Variants in NDST3 observed in about 807,000 individuals in gnomAD.
NDST3 encodes the protein bifunctional heparan sulfate N-deacetylase/N-sulfotransferase 3.
NDST3 carries 58 observed loss-of-function variants against 96.1 expected under a neutral mutation model. The ratio of observed to expected loss-of-function variants is 0.60; its 90% confidence interval spans 0.49 to 0.75. The LOEUF (loss-of-function observed/expected upper bound fraction) is 0.75, where lower values mean the gene tolerates loss of function less well. Ranked by LOEUF, NDST3 falls within the 30% of genes least tolerant of loss-of-function variation. The pLI is 0.00. For missense variants in NDST3, 788 were observed against 1,034.2 expected, an observed-to-expected ratio of 0.76 and a Z score of 3.27; for synonymous variants, 333 against 359.7, an observed-to-expected ratio of 0.93 and a Z score of 0.84.
chr4:118,242,793 G>A (rs549816657), intron 12 of NDST3, among the ~76,000 whole-genome samples: 1 of 151,990 alleles, frequency 6.6e-6, no homozygotes, highest in East Asian at 1.9e-4. Flanking sequence ...AACTGACTCT[G>A]TAAGGTCCAT....
chr4:118,048,968 G>A (rs1724922541), intron 1 of NDST3, among the ~76,000 whole-genome samples: 1 of 152,120 alleles, frequency 6.6e-6, no homozygotes, highest in African/African-American at 2.4e-5. Flanking sequence ...CTGACCACAT[G>A]TTTGTTCACG....
At chr4:118,224,924 G>A (rs1416089453) in intron 7 of NDST3, among the ~76,000 whole-genome samples, 1 of 152,148 alleles carries the variant, frequency 6.6e-6, no homozygotes, top group Non-Finnish European at 1.5e-5. Flanking sequence ...TGAATATAAC[G>A]TCTTCAATCA....
intron 6 of NDST3, among the ~76,000 whole-genome samples, chr4:118,168,181 T>A (rs1249171198): frequency 2.0e-5 from 3 of 151,852 alleles, no homozygotes; most frequent in African/African-American, 7.2e-5. Context: ...AATAAGGAGT[T>A]AATATTCAAA....
intron 9 of NDST3, among the ~76,000 whole-genome samples, chr4:118,233,514 A>G (rs1421722000): frequency 6.6e-6 from 1 of 152,192 alleles, no homozygotes; most frequent in African/African-American, 2.4e-5. Flanking sequence ...TACAGCCAAC[A>G]TATGTAATTT....
chr4:118,085,411 GA>G (rs1261130198), intron 2 of NDST3, among the ~76,000 whole-genome samples: 2 of 152,076 alleles, frequency 1.3e-5, no homozygotes, highest in East Asian at 3.9e-4. Context: ...GATATTAAGA[GA>G]AAAAAAGTAC....
chr4:118,214,562 CAT>C (rs1235796822), intron 6 of NDST3, among the ~76,000 whole-genome samples: 3 of 152,052 alleles, frequency 2.0e-5, no homozygotes, highest in Admixed American at 1.3e-4. Context: ...AAATTATACA[CAT>C]GACTCACAGT....
At chr4:118,043,471 A>G (rs1241866020) in intron 1 of NDST3, among the ~76,000 whole-genome samples, 3 of 152,254 alleles carry the variant, frequency 2.0e-5, no homozygotes, top group African/African-American at 7.2e-5. Flanking sequence ...AGTACAAAGG[A>G]GATGCTCTTT....
At chr4:118,164,857 C>G (rs1735439266) in intron 6 of NDST3, among the ~76,000 whole-genome samples, 2 of 152,024 alleles carry the variant, frequency 1.3e-5, no homozygotes, top group African/African-American at 2.4e-5. Context: ...CTTAAAATAT[C>G]AACTTTATAT....
chr4:118,130,904 G>A (rs1224767331), intron 4 of NDST3, among the ~76,000 whole-genome samples: 1 of 152,078 alleles, frequency 6.6e-6, no homozygotes, highest in Non-Finnish European at 1.5e-5. Context: ...CCCTCTCCTG[G>A]CCTGTCAGGC....
intron 4 of NDST3, among the ~76,000 whole-genome samples, chr4:118,137,676 G>GT (rs1382970196): frequency 2.0e-5 from 3 of 152,126 alleles, no homozygotes; most frequent in Middle Eastern, 3.2e-3. Flanking sequence ...ATAAACATTG[G>GT]TTTTATTTTG....
intron 6 of NDST3, among the ~76,000 whole-genome samples, chr4:118,171,455 A>C (rs6820367): frequency 0.52 from 78,550 of 152,028 alleles, 24,190 homozygotes; most frequent in East Asian, 0.75. Context: ...ATTTCCTATC[A>C]TAACTCAGTA....
intron 3 of NDST3, among the ~76,000 whole-genome samples, chr4:118,112,023 T>C (rs1168034108): frequency 6.6e-6 from 1 of 152,136 alleles, no homozygotes; most frequent in Non-Finnish European, 1.5e-5. Context: ...TCAATGTAAT[T>C]CTAATGTAAA....
intron 4 of NDST3, among the ~76,000 whole-genome samples, chr4:118,127,609 G>A (rs1169353687): frequency 6.6e-5 from 10 of 151,866 alleles, no homozygotes; most frequent in Middle Eastern, 3.4e-3. Context: ...TTAGTATAAC[G>A]TGAAATCAGG....
intron 2 of NDST3, among the ~76,000 whole-genome samples, chr4:118,060,285 T>C (rs1393137760): frequency 6.6e-6 from 1 of 152,136 alleles, no homozygotes; most frequent in Non-Finnish European, 1.5e-5. Context: ...AATTGTATTT[T>C]AATATGTTTT....
chr4:118,167,282 A>G (rs1026232648), intron 6 of NDST3, among the ~76,000 whole-genome samples: 1 of 151,910 alleles, frequency 6.6e-6, no homozygotes, highest in Non-Finnish European at 1.5e-5. Context: ...CTATCCAAAA[A>G]GAAAATTAAG....
chr4:118,148,111 A>G (rs1267772004), intron 6 of NDST3, among the ~76,000 whole-genome samples: 2 of 152,182 alleles, frequency 1.3e-5, no homozygotes, highest in Non-Finnish European at 2.9e-5. Context: ...ATCCTGGCTA[A>G]CACGGTGAAA....
chr4:118,252,859 C>T (rs986617816), intron 12 of NDST3, among the ~76,000 whole-genome samples: 1 of 152,024 alleles, frequency 6.6e-6, no homozygotes, highest in Admixed American at 6.6e-5. Context: ...CCATTGCACT[C>T]CAGCCTGGGC....
At chr4:118,226,524 A>G (rs1200766287) in intron 7 of NDST3, among the ~76,000 whole-genome samples, 2 of 152,300 alleles carry the variant, frequency 1.3e-5, no homozygotes, top group African/African-American at 4.8e-5. Flanking sequence ...TCAGTTATGT[A>G]TTGAATACTG....
At chr4:118,154,484 C>A (rs567081815) in intron 6 of NDST3, among the ~76,000 whole-genome samples, 117 of 152,260 alleles carry the variant, frequency 7.7e-4, no homozygotes, top group African/African-American at 2.6e-3. Flanking sequence ...ATGTGAATAG[C>A]AAGCCTAGTT....
Sources: gnomAD v4.1 joint callset for allele counts (sites outside exome capture counted in the v4.1 genomes callset) on GRCh38, gnomAD v4.1.1 for gene constraint, MANE v1.5 for transcripts, NCBI Gene and HGNC (gene_info 2026-07-23, HGNC 2026-07-21) for gene names.